Variants in MOV10L1 observed in about 807,000 individuals in gnomAD.
MOV10L1 encodes the protein RNA helicase Mov10l1.
MOV10L1 carries 110 observed loss-of-function variants against 143.8 expected under a neutral mutation model. The ratio of observed to expected loss-of-function variants is 0.76; its 90% CI spans 0.66 to 0.90. The LOEUF (loss-of-function observed/expected upper bound fraction) is 0.90. MOV10L1 is among the 40% of genes least tolerant of loss of function. MOV10L1 has a pLI of 0.00. For synonymous variants in MOV10L1, 593 were observed against 581.1 expected (o/e 1.02, Z -0.29); for missense variants, 1,406 against 1,526.8 (o/e 0.92, Z 1.32).
At chr22:50,129,127 G>A (rs965035110) in intron 13 of MOV10L1, among the ~76,000 whole-genome samples, 2 of 152,092 alleles carry the variant, frequency 1.3e-5, no homozygotes, top group African/African-American at 4.8e-5. Context: ...CGTGTTTCTA[G>A]CTTTATTATC....
rs148664170 is a variant in MOV10L1, at chr22:50,151,964, C to T, written c.2892+1065C>T. Among the ~76,000 whole-genome samples the T allele has an allele frequency of 9.0e-3, 1,370 of 152,380 alleles. 18 individuals are homozygous for T. Among genetic ancestry groups the T allele is most frequent in the East Asian group, 0.037 (194 of 5,190 alleles). On this transcript the variant is annotated intron_variant, in intron 21 of 26. Transcript: ENST00000262794. ...CCAGGAGGCTGCATGCTTCCTTTCT[C>T]TTCCCCAGCAGCTGCCCATGTCCAG...
chr22:50,140,436 G>A (rs974363185), intron 15 of MOV10L1, among the ~76,000 whole-genome samples: 1 of 152,186 alleles, frequency 6.6e-6, no homozygotes, highest in Non-Finnish European at 1.5e-5. Flanking sequence ...GTGGGAGGAG[G>A]TTATAGGCAT....
intron 19 of MOV10L1, chr22:50,146,890 TCAAG>T (rs2063167716): frequency 8.1e-6 from 5 of 619,800 alleles, no homozygotes; most frequent in African/African-American, 3.7e-5. Context: ...TTTTTTTGGT[TCAAG>T]TCTTCAAAAT....
intron 1 of MOV10L1, chr22:50,090,868 G>A (rs975893683): frequency 1.6e-4 from 46 of 279,416 alleles, no homozygotes; most frequent in African/African-American, 9.4e-4. Context: ...GTCGAGGGGG[G>A]GTTCGCCATG....
intron 3 of MOV10L1, among the ~76,000 whole-genome samples, chr22:50,102,659 T>C (rs2061774167): frequency 6.6e-6 from 1 of 152,118 alleles, no homozygotes; most frequent in African/African-American, 2.4e-5. Flanking sequence ...CCCAGCACTT[T>C]GGGAGGCTGA....
At chr22:50,090,688 G>GTT in intron 1 of MOV10L1, 1 of 816,238 alleles carries the variant, frequency 1.2e-6, no homozygotes, top group Non-Finnish European at 2.0e-6. Flanking sequence ...GTGTGTGTGT[G>GTT]TGTGTGAGAC....
intron 15 of MOV10L1, among the ~76,000 whole-genome samples, chr22:50,135,912 G>A (rs1442123242): frequency 6.6e-6 from 1 of 152,094 alleles, no homozygotes; most frequent in Non-Finnish European, 1.5e-5. Context: ...AAAATCATCT[G>A]TGTCATGGTG....
intron 21 of MOV10L1, among the ~76,000 whole-genome samples, chr22:50,151,718 C>A (rs1201349426): frequency 6.6e-6 from 1 of 152,252 alleles, no homozygotes; most frequent in Non-Finnish European, 1.5e-5. Context: ...TGCGCCTGTA[C>A]CCGCTAGCTG....
At chr22:50,138,736 G>A (rs577593324) in intron 15 of MOV10L1, among the ~76,000 whole-genome samples, 25 of 152,082 alleles carry the variant, frequency 1.6e-4, no homozygotes, top group South Asian at 4.1e-4. Context: ...AGACAGTCTC[G>A]CTCTGTTGCC....
chr22:50,149,550 T>G (rs138270), intron 19 of MOV10L1, 65 bp from the exon 20 acceptor site: 732,490 of 1,510,374 alleles, frequency 0.48, 182,936 homozygotes, highest in Non-Finnish European at 0.51. Context: ...TTTGCCAGTG[T>G]GTCAGAGGCA....
intron 1 of MOV10L1, 123 bp downstream of exon 1, chr22:50,090,308 C>T (rs1480279706): frequency 2.7e-6 from 4 of 1,460,064 alleles, no homozygotes; most frequent in African/African-American, 2.8e-5. Flanking sequence ...CCCGGCCTTT[C>T]CTCATCTCCG....
intron 19 of MOV10L1, chr22:50,146,887 G>T: frequency 8.4e-6 from 5 of 597,214 alleles, no homozygotes; most frequent in Admixed American, 2.9e-5. Context: ...CATTTTTTTT[G>T]GTTCAAGTCT....
intron 18 of MOV10L1, among the ~76,000 whole-genome samples, chr22:50,144,877 G>A (rs759744407): frequency 5.9e-5 from 9 of 152,072 alleles, no homozygotes; most frequent in Middle Eastern, 3.4e-3. Flanking sequence ...CACCGTGCCC[G>A]GCCTGGTTTG....
intron 10 of MOV10L1, 35 bp downstream of exon 10, chr22:50,120,651 A>G (rs1354008362): frequency 2.1e-6 from 3 of 1,410,826 alleles, no homozygotes; most frequent in Admixed American, 1.8e-5. Context: ...GGGTGTTGGC[A>G]TCTTCTAATG....
intron 5 of MOV10L1, 31 bp downstream of exon 5, chr22:50,108,875 T>A (rs1381056453): frequency 4.4e-6 from 7 of 1,606,944 alleles, no homozygotes; most frequent in African/African-American, 1.3e-5. Flanking sequence ...CCAGGTGCGG[T>A]GGCTAACGCC....
At chr22:50,125,362 C>G (rs2062468246) in intron 10 of MOV10L1, 30 bp from the exon 11 acceptor site, 1 of 1,606,750 alleles carries the variant, frequency 6.2e-7, no homozygotes. Flanking sequence ...TGAGCTGTTG[C>G]TGACTTTATA....
At chr22:50,127,328 A>G (rs1231282003) in intron 12 of MOV10L1, among the ~76,000 whole-genome samples, 5 of 152,222 alleles carry the variant, frequency 3.3e-5, no homozygotes, top group Non-Finnish European at 7.3e-5. Context: ...TGGCATCTGA[A>G]ATGACCTTCC....
At chr22:50,126,616 G>A (rs972992232) in intron 12 of MOV10L1, among the ~76,000 whole-genome samples, 3 of 152,180 alleles carry the variant, frequency 2.0e-5, no homozygotes, top group East Asian at 1.9e-4. Context: ...TGATGTTTGC[G>A]TGAAGGTGGT....
intron 1 of MOV10L1, 85 bp downstream of exon 1, chr22:50,090,270 G>A (rs2062392499): frequency 7.0e-7 from 1 of 1,435,566 alleles, no homozygotes; most frequent in Non-Finnish European, 9.1e-7. Context: ...GTCTTTGAGT[G>A]CAGTGCGGGC....
Sources: gnomAD v4.1 joint callset for allele counts (sites outside exome capture counted in the v4.1 genomes callset) on GRCh38, gnomAD v4.1.1 for gene constraint, MANE v1.5 for transcripts, NCBI Gene and HGNC (gene_info 2026-07-23, HGNC 2026-07-21) for gene names.